The following KIF20B variants were observed in gnomAD, a reference collection of about 807,000 sequenced individuals.
KIF20B encodes kinesin-like protein KIF20B.
A neutral mutation model predicts 232.5 loss-of-function variants in KIF20B; 188 were observed. The observed-to-expected ratio is 0.81, with a 90% CI of 0.72 to 0.91. The LOEUF is 0.91. KIF20B is among the 40% of genes least tolerant of loss of function. The pLI, the probability that KIF20B is intolerant of heterozygous loss-of-function variation, is 0.00. For synonymous variants in KIF20B, 712 were observed against 683.0 expected (o/e 1.04, Z -0.66); for missense variants, 2,154 against 2,055.9 (o/e 1.05, Z -0.92).
At chr10:89,772,155 TAGTA>T (rs1224828333) in intron 31 of KIF20B, among the ~76,000 whole-genome samples, 55 of 152,204 alleles carry the variant, frequency 3.6e-4, no homozygotes, top group Admixed American at 2.5e-3. Flanking sequence ...ACTATGTACA[TAGTA>T]AGGAATTTAA....
At chr10:89,715,644 A>G (rs143714371) in intron 8 of KIF20B, among the ~76,000 whole-genome samples, 2 of 152,206 alleles carry the variant, frequency 1.3e-5, no homozygotes, top group Non-Finnish European at 2.9e-5. Flanking sequence ...TTCGTTAATT[A>G]TACTTTTACT....
intron 31 of KIF20B, among the ~76,000 whole-genome samples, chr10:89,771,923 C>T (rs1842471271): frequency 6.6e-6 from 1 of 151,930 alleles, no homozygotes. Context: ...TGGGTTGTTA[C>T]TTTCATTTTG....
At chr10:89,751,222 C>T in intron 23 of KIF20B, 124 bp from the exon 24 acceptor site, 1 of 711,514 alleles carries the variant, frequency 1.4e-6, no homozygotes, top group South Asian at 2.1e-5. Context: ...GACAAAGTTT[C>T]TGTCTATATG....
intron 21 of KIF20B, among the ~76,000 whole-genome samples, chr10:89,740,452 A>C (rs1841773157): frequency 6.6e-6 from 1 of 151,996 alleles, no homozygotes; most frequent in Non-Finnish European, 1.5e-5. Flanking sequence ...CACTCTCTGA[A>C]CCTCACTGTA....
chr10:89,716,754 G>A (rs1008005856), intron 9 of KIF20B, among the ~76,000 whole-genome samples: 1 of 152,142 alleles, frequency 6.6e-6, no homozygotes, highest in Non-Finnish European at 1.5e-5. Context: ...TAATTTATAG[G>A]AAATCTCTGA....
At chr10:89,702,908 T>G (rs985308803) in intron 1 of KIF20B, among the ~76,000 whole-genome samples, 2 of 152,176 alleles carry the variant, frequency 1.3e-5, no homozygotes, top group Non-Finnish European at 2.9e-5. Flanking sequence ...TCCAGTTTAG[T>G]TGGGAAGGCC....
intron 18 of KIF20B, among the ~76,000 whole-genome samples, chr10:89,732,686 G>T (rs1843352079): frequency 6.6e-6 from 1 of 152,118 alleles, no homozygotes; most frequent in African/African-American, 2.4e-5. Context: ...TGACTTCAGA[G>T]ATTTATCTTC....
chr10:89,765,047 T>C (rs1842325358), intron 29 of KIF20B, among the ~76,000 whole-genome samples: 1 of 151,844 alleles, frequency 6.6e-6, no homozygotes, highest in Non-Finnish European at 1.5e-5. Flanking sequence ...GTTTAAGTCT[T>C]TAATCCATCT....
chr10:89,718,697 A>G lies in KIF20B; in HGVS notation c.1272-13A>G, dbSNP rs1589856076. On this transcript the variant is annotated splice_polypyrimidine_tract_variant and intron_variant, in intron 11 of 32. Transcript: ENST00000371728. Reference sequence around the variant, plus strand: ...TTTTAACTTACAATGTTTTCTGAAAATTTTTTCTGTAGGTTTCAACAGCAT... The same window carrying G: ...TTTTAACTTACAATGTTTTCTGAAAGTTTTTTCTGTAGGTTTCAACAGCAT... The G allele has an allele frequency of 6.3e-7, 1 of 1,597,998 alleles. No homozygotes were observed.
chr10:89,722,292 C>T lies in KIF20B; in HGVS notation c.1723-1672C>T, dbSNP rs183867562. On this transcript the variant is annotated intron_variant, in intron 13 of 32. Coordinates refer to ENST00000371728, the MANE Select transcript of KIF20B (RefSeq NM_001284259.2). ...GTATTAGCATACATATACTTAAATT[C>T]GTTTAGCTGTAATAGCCAGCCTAAA... Among the ~76,000 whole-genome samples, 16 of 152,276 alleles carry T rather than the reference C, an allele frequency of 1.1e-4. 1 individual carries two copies. The highest frequency in any genetic ancestry group is 2.6e-4 in the African/African-American group (11 of 41,562).
intron 23 of KIF20B, among the ~76,000 whole-genome samples, chr10:89,748,966 T>G (rs1328609042): frequency 1.3e-5 from 2 of 152,202 alleles, no homozygotes; most frequent in African/African-American, 4.8e-5. Context: ...TTTGGTGTTA[T>G]TGTACACTCT....
At position 89,738,129 on chromosome 10, in the gene KIF20B, G is replaced by A. The variant is rs1841703056; in HGVS notation, c.3288G>A (p.Lys1096=). The A allele has an allele frequency of 6.2e-7, 1 of 1,603,516 alleles. No homozygotes were observed. Among genetic ancestry groups the A allele is most frequent in the Non-Finnish European group, 8.5e-7 (1 of 1,178,252 alleles). ...TGCAGGCAGAAGTAAAAGGCTATAA[G>A]GATGAAAACAATAGACTAAAGGAGA... ...EKLQAEVKGY[K]DENNRLKEKE... is the part of the protein sequence containing the mutation. The change falls in exon 20 of 33, where the codon AAG becomes AAA. Residue 1096 remains lysine (K), a synonymous_variant. Transcript: ENST00000371728.
At chr10:89,749,661 A>G (rs1456685132) in intron 23 of KIF20B, among the ~76,000 whole-genome samples, 1 of 152,164 alleles carries the variant, frequency 6.6e-6, no homozygotes, top group Non-Finnish European at 1.5e-5. Flanking sequence ...GTCAGTTCAT[A>G]CAATATACGG....
chr10:89,746,017 G>C, intron 23 of KIF20B, 58 bp downstream of exon 23: 4 of 1,211,132 alleles, frequency 3.3e-6, no homozygotes, highest in Non-Finnish European at 3.7e-6. Flanking sequence ...CCCTCGCAGG[G>C]CATGCGATGG....
intron 31 of KIF20B, among the ~76,000 whole-genome samples, chr10:89,769,286 C>T (rs1234955404): frequency 6.6e-6 from 1 of 151,942 alleles, no homozygotes; most frequent in Non-Finnish European, 1.5e-5. Flanking sequence ...GGTGAGAATA[C>T]AGTCATGGGT....
Position 89,705,414 on chromosome 10 carries a change from A to G in KIF20B, c.120A>G (p.Glu40=), listed in dbSNP as rs148827788. 9,421 of 1,613,956 alleles carry G rather than the reference A, an allele frequency of 5.8e-3. 30 individuals are homozygous for G. Among genetic ancestry groups the G allele is most frequent in the Non-Finnish European group, 7.2e-3 (8,497 of 1,179,906 alleles). ...FDGIKLDLSH[E]FSLVAPNTEA... is the part of the protein sequence containing the mutation. ...GCATTAAGCTTGATCTGTCTCATGA[A>G]TTTTCCTTAGTTGCTCCAAATACTG... Residue 40 remains glutamate, a synonymous_variant, in exon 2 of 33, where the codon GAA becomes GAG. Transcript: ENST00000371728.
chr10:89,707,279 G>T (rs1298493081), intron 2 of KIF20B, among the ~76,000 whole-genome samples: 1 of 152,146 alleles, frequency 6.6e-6, no homozygotes, highest in Non-Finnish European at 1.5e-5. Flanking sequence ...TCAAGATAGT[G>T]AGTATAACCA....
At position 89,717,669 on chromosome 10, in the gene KIF20B, T is replaced by TA. The variant is rs1289809434; in HGVS notation, c.1218_1219insA (p.Leu407IlefsTer9). ...GAGAGACTGGGAATATCAACACTTC[T>TA]TTATTGACTCTGGGAAAGTGTATTA... On this transcript the variant is annotated frameshift_variant, in exon 11 of 33. Coordinates refer to ENST00000371728, the MANE Select transcript of KIF20B (RefSeq NM_001284259.2). LOFTEE classifies it high-confidence loss of function. The TA allele has an allele frequency of 6.2e-7, 1 of 1,609,716 alleles. No individual in the cohort carries two copies.
At chr10:89,733,242 T>A in intron 19 of KIF20B, 186 bp downstream of exon 19, 1 of 518,776 alleles carries the variant, frequency 1.9e-6, no homozygotes, top group Non-Finnish European at 3.4e-6. Context: ...AGCTTTTATC[T>A]TAATAAATAT....
Sources: gnomAD v4.1 joint callset for allele counts (sites outside exome capture counted in the v4.1 genomes callset) on GRCh38, gnomAD v4.1.1 for gene constraint, MANE v1.5 for transcripts, NCBI Gene and HGNC (gene_info 2026-07-23, HGNC 2026-07-21) for gene names.